Variants in NLRP5 observed in about 807,000 individuals in gnomAD.
NLRP5 encodes the protein NLR family pyrin domain containing 5, also known as NACHT, LRR and PYD domains-containing protein 5.
Under a neutral mutation model 113.1 loss-of-function variants are expected in NLRP5, and 93 were observed. The ratio of observed to expected loss-of-function variants is 0.82; its 90% CI spans 0.70 to 0.98. The LOEUF (loss-of-function observed/expected upper bound fraction) is 0.98, where lower values mean the gene tolerates loss of function less well. NLRP5 is among the 50% of genes least tolerant of loss of function. The pLI, the probability that NLRP5 is intolerant of heterozygous loss-of-function variation, is 0.00. For missense variants in NLRP5, 1,808 were observed against 1,514.3 expected (o/e 1.19, Z -3.22); for synonymous variants, 751 against 600.7 (o/e 1.25, Z -3.66).
rs1490560193 is a variant in NLRP5, at chr19:56,055,625, A to C, written c.3299+1817A>C. 1.3e-4 allele frequency among the ~76,000 whole-genome samples: 18 copies of C among 140,620 alleles called. No homozygotes were observed. In the East Asian group the frequency reaches 3.9e-3, roughly 30 times the overall value. 92.3% of individuals were successfully genotyped at this position (140,620 alleles called of 152,430 possible). ...CAGTGGCGCGATCTCAGCTCACTGCAAGCTCCGCCTCCCAGGTTCACCCCA... is the reference window on the plus strand; with the variant it reads ...CAGTGGCGCGATCTCAGCTCACTGCCAGCTCCGCCTCCCAGGTTCACCCCA... On this transcript the variant is annotated intron_variant, in intron 13 of 14. Coordinates refer to ENST00000390649, the MANE Select transcript of NLRP5 (RefSeq NM_153447.4).
intron 13 of NLRP5, among the ~76,000 whole-genome samples, chr19:56,057,951 C>T (rs1008116268): frequency 6.6e-6 from 1 of 151,094 alleles, no homozygotes; most frequent in Admixed American, 6.6e-5. Flanking sequence ...CGCTTGAATC[C>T]CAGAGGTAGA....
chr19:56,055,535 G>T (rs10404287), intron 13 of NLRP5, among the ~76,000 whole-genome samples: 13,459 of 54,958 alleles, frequency 0.24, 1,210 homozygotes, highest in Non-Finnish European at 0.34. Context: ...TTCTTTCTCT[G>T]TCTTTTTTTT....
At chr19:56,014,010 C>G (rs901414422) in intron 3 of NLRP5, among the ~76,000 whole-genome samples, 1 of 152,004 alleles carries the variant, frequency 6.6e-6, no homozygotes, top group South Asian at 2.1e-4. Flanking sequence ...TGTTGACTTG[C>G]AATACTTAGG....
At chr19:56,025,370 C>T (rs1420142926) in intron 6 of NLRP5, among the ~76,000 whole-genome samples, 4 of 150,568 alleles carry the variant, frequency 2.7e-5, no homozygotes, top group Admixed American at 6.6e-5. Context: ...TGTTTGACCT[C>T]AAGGAACGTG....
intron 7 of NLRP5, among the ~76,000 whole-genome samples, chr19:56,029,370 G>A (rs548522792): frequency 2.4e-4 from 36 of 152,194 alleles, no homozygotes; most frequent in South Asian, 8.3e-4. Context: ...GGGTTCAAGC[G>A]ATTCTCCTGA....
chr19:56,000,452 A>C (rs975212095), intron 1 of NLRP5, among the ~76,000 whole-genome samples: 15 of 150,378 alleles, frequency 1.0e-4, no homozygotes, highest in African/African-American at 3.2e-4. Context: ...GCAAGCTCCG[A>C]CTCCCGGGTT....
In NLRP5 at chr19:56,058,274, G is replaced by A. The variant is rs1303007061; in HGVS notation, c.3334G>A (p.Glu1112Lys). 1 of 1,613,926 alleles carries A rather than the reference G, an allele frequency of 6.2e-7. No homozygotes were observed. Among genetic ancestry groups the A allele is most frequent in the African/African-American group, 1.3e-5 (1 of 75,032 alleles). ...ATGTGGACTGACTTCTGATTGCTGT[G>A]AGGCACTCTCCTTGGCCCTTTCCTG... The change falls in exon 14 of 15, where the codon GAG becomes AAG. Residue 1112 changes from glutamate to lysine, a missense_variant. Physicochemically the swap from Glu to Lys is moderately conservative, Grantham distance 56. Coordinates refer to ENST00000390649, the MANE Select transcript of NLRP5 (RefSeq NM_153447.4).
chr19:56,025,083 G>GT (rs1982786881), intron 6 of NLRP5, among the ~76,000 whole-genome samples: 1 of 152,070 alleles, frequency 6.6e-6, no homozygotes. Context: ...TGATCTGTCA[G>GT]TGTCTCCATC....
At chr19:56,019,074 G>T (rs1473789341) in intron 4 of NLRP5, among the ~76,000 whole-genome samples, 1 of 152,162 alleles carries the variant, frequency 6.6e-6, no homozygotes, top group Non-Finnish European at 1.5e-5. Context: ...GGGATTACAG[G>T]TGCGAACGAC....
At chr19:56,040,070 C>G (rs994351769) in intron 10 of NLRP5, among the ~76,000 whole-genome samples, 4 of 152,166 alleles carry the variant, frequency 2.6e-5, no homozygotes, top group African/African-American at 9.6e-5. Context: ...CCTGCCTCAG[C>G]TTCCCAAGTA....
At chr19:56,007,693 C>A (rs72629146) in intron 2 of NLRP5, among the ~76,000 whole-genome samples, 37,008 of 150,668 alleles carry the variant, frequency 0.25, 5,450 homozygotes, top group African/African-American at 0.34. Context: ...ATCAAACTTT[C>A]CTTTCAGCAC....
intron 9 of NLRP5, among the ~76,000 whole-genome samples, chr19:56,036,793 C>T (rs1983334575): frequency 6.6e-6 from 1 of 152,074 alleles, no homozygotes; most frequent in African/African-American, 2.4e-5. Context: ...CCCGTCTCTA[C>T]TATAAATACA....
chr19:56,008,934 A>G (rs1368221605), intron 3 of NLRP5, 81 bp downstream of exon 3: 4 of 1,174,450 alleles, frequency 3.4e-6, no homozygotes, highest in East Asian at 2.5e-5. Context: ...CATTAGAACC[A>G]TGACTTCTGA....
At chr19:56,040,122 T>C (rs754583710) in intron 10 of NLRP5, among the ~76,000 whole-genome samples, 1 of 152,180 alleles carries the variant, frequency 6.6e-6, no homozygotes, top group Non-Finnish European at 1.5e-5. Context: ...GGCTAATTTT[T>C]TCTTTTTAGA....
At chr19:56,041,336 G>A (rs755758888) in intron 11 of NLRP5, among the ~76,000 whole-genome samples, 13 of 152,192 alleles carry the variant, frequency 8.5e-5, no homozygotes, top group Non-Finnish European at 1.8e-4. Context: ...ATAATTGGAG[G>A]TCATCATGTT....
At chr19:56,034,508 T>G (rs1349330142) in intron 9 of NLRP5, among the ~76,000 whole-genome samples, 3 of 152,222 alleles carry the variant, frequency 2.0e-5, no homozygotes, top group Non-Finnish European at 4.4e-5. Flanking sequence ...TATAGCAGTT[T>G]ATTACATCTA....
At chr19:56,033,023 A>G (rs1983182246) in intron 8 of NLRP5, among the ~76,000 whole-genome samples, 1 of 152,066 alleles carries the variant, frequency 6.6e-6, no homozygotes, top group East Asian at 1.9e-4. Flanking sequence ...AGGTGGGTGG[A>G]TCACCTGAGG....
chr19:56,046,070 G>A (rs1036802733), intron 11 of NLRP5, among the ~76,000 whole-genome samples: 5 of 152,154 alleles, frequency 3.3e-5, no homozygotes, highest in African/African-American at 1.2e-4. Flanking sequence ...TCCCCATTCA[G>A]TATTATGTTG....
intron 3 of NLRP5, among the ~76,000 whole-genome samples, chr19:56,011,691 C>CTT (rs201802212): frequency 7.0e-4 from 101 of 143,912 alleles, no homozygotes; most frequent in African/African-American, 1.7e-3. Context: ...TTTCCTATGT[C>CTT]TTTTTTTTTT....
Sources: gnomAD v4.1 joint callset for allele counts (sites outside exome capture counted in the v4.1 genomes callset) on GRCh38, gnomAD v4.1.1 for gene constraint, MANE v1.5 for transcripts, NCBI Gene and HGNC (gene_info 2026-07-23, HGNC 2026-07-21) for gene names.